Variants in SPAG17 observed in about 807,000 individuals in gnomAD.
The protein encoded by SPAG17 is sperm-associated antigen 17.
SPAG17 carries 169 observed loss-of-function variants against 273.6 expected under a neutral mutation model. The ratio of observed to expected loss-of-function variants is 0.62; its 90% CI spans 0.55 to 0.70. The LOEUF (loss-of-function observed/expected upper bound fraction) is 0.70, where lower values mean the gene tolerates loss of function less well. SPAG17 is among the 30% of genes least tolerant of loss of function. The pLI, the probability that SPAG17 is intolerant of heterozygous loss-of-function variation, is 0.00. For synonymous variants in SPAG17, 825 were observed against 873.2 expected, an observed-to-expected ratio of 0.94 and a Z score of 0.97; for missense variants, 2,557 against 2,627.8, an observed-to-expected ratio of 0.97 and a Z score of 0.59.
At chr1:117,956,647 T>C (rs1222465393) in intron 48 of SPAG17, among the ~76,000 whole-genome samples, 1 of 152,042 alleles carries the variant, frequency 6.6e-6, no homozygotes, top group East Asian at 1.9e-4. Context: ...GGAACTATTT[T>C]CCCAGATTAA....
chr1:118,118,540 A>G (rs1460540485), intron 3 of SPAG17, among the ~76,000 whole-genome samples: 1 of 152,234 alleles, frequency 6.6e-6, no homozygotes, highest in Admixed American at 6.5e-5. Flanking sequence ...CAGGAACTCA[A>G]AAAAGCACGA....
chr1:117,967,106 G>T (rs917656872), intron 46 of SPAG17, among the ~76,000 whole-genome samples: 1 of 152,052 alleles, frequency 6.6e-6, no homozygotes, highest in Admixed American at 6.6e-5. Flanking sequence ...GTGACTTTCA[G>T]TAGTGAAATC....
intron 20 of SPAG17, among the ~76,000 whole-genome samples, chr1:118,050,636 A>T (rs1282060643): frequency 6.6e-6 from 1 of 152,242 alleles, no homozygotes; most frequent in Non-Finnish European, 1.5e-5. Context: ...CAAGAACACA[A>T]AATTGAGGAA....
intron 48 of SPAG17, chr1:117,958,850 G>T: frequency 8.1e-7 from 1 of 1,241,612 alleles, no homozygotes. Flanking sequence ...ACTGTTTCTA[G>T]AAGGGTTAAG....
intron 32 of SPAG17, among the ~76,000 whole-genome samples, chr1:118,001,281 C>CT (rs1658260374): frequency 2.0e-5 from 3 of 152,132 alleles, no homozygotes; most frequent in South Asian, 4.2e-4. Context: ...CTAAAATTCT[C>CT]CTTTTTTGTT....
intron 32 of SPAG17, among the ~76,000 whole-genome samples, chr1:118,000,398 A>G (rs1658144177): frequency 6.6e-6 from 1 of 152,196 alleles, no homozygotes; most frequent in Admixed American, 6.5e-5. Context: ...CATTGAATCT[A>G]TAAATTACCT....
At chr1:118,057,596 A>G (rs1651839186) in intron 18 of SPAG17, among the ~76,000 whole-genome samples, 2 of 152,336 alleles carry the variant, frequency 1.3e-5, no homozygotes, top group South Asian at 4.1e-4. Flanking sequence ...ACACATAGGT[A>G]CTTTCTGAAC....
chr1:117,973,309 A>G, intron 44 of SPAG17, 116 bp downstream of exon 44: 1 of 1,352,532 alleles, frequency 7.4e-7, no homozygotes. Context: ...TAATAACTTC[A>G]ATGAATCAGA....
Position 118,091,867 on chromosome 1 carries a change from GTCA to G in SPAG17, c.1246+60_1246+62del, listed in dbSNP as rs1415021093. 8 of 1,527,568 alleles carry G rather than the reference GTCA, an allele frequency of 5.2e-6. No individual in the cohort carries two copies. In the Admixed American group the frequency reaches 8.4e-5, roughly 16 times the overall value. The allele number at this position is 1,527,568 out of a possible 1,614,324, so 94.6% of individuals were successfully genotyped here. A position where few individuals can be genotyped will look rare whatever the true frequency, so the allele number is the denominator to read the frequency against. ...GAGGCTGAAAGTAATATGGAGGGCA[GTCA>G]TTATCTCTTAAAGTGCCAGCTCATG... On this transcript the variant is annotated intron_variant, in intron 9 of 48. Transcript: ENST00000336338.
chr1:118,153,284 C>A lies in SPAG17; in HGVS notation c.88-1915G>T, dbSNP rs144225382. ...CTCATTGAATCCCTAAGTTACCCTACAAGATAGGTTCACTATTATCTTATA... is the reference window on the plus strand; with the variant it reads ...CTCATTGAATCCCTAAGTTACCCTAAAAGATAGGTTCACTATTATCTTATA... On this transcript the variant is annotated intron_variant, in intron 1 of 48. Coordinates refer to ENST00000336338, the MANE Select transcript of SPAG17 (RefSeq NM_206996.4). 5.5e-4 allele frequency among the ~76,000 whole-genome samples: 83 copies of A among 152,280 alleles called. 1 individual carries two copies. In the East Asian group the frequency reaches 0.016, roughly 29 times the overall value.
intron 4 of SPAG17, among the ~76,000 whole-genome samples, chr1:118,113,862 C>T (rs921225832): frequency 2.0e-5 from 3 of 151,990 alleles, no homozygotes; most frequent in Admixed American, 6.6e-5. Flanking sequence ...GCTTTAAAAA[C>T]GTTTTCCAAG....
intron 1 of SPAG17, among the ~76,000 whole-genome samples, chr1:118,159,522 C>A (rs1659809334): frequency 6.6e-6 from 1 of 152,124 alleles, no homozygotes; most frequent in African/African-American, 2.4e-5. Context: ...TTGAGTACCA[C>A]ATAAATGTAA....
chr1:117,981,153 G>T, intron 43 of SPAG17, 117 bp downstream of exon 43: 1 of 1,092,974 alleles, frequency 9.1e-7, no homozygotes, highest in Non-Finnish European at 1.3e-6. Flanking sequence ...CAGGATCCGT[G>T]ACCCTCTCGA....
intron 3 of SPAG17, among the ~76,000 whole-genome samples, chr1:118,142,944 T>A (rs573464306): frequency 4.6e-5 from 7 of 152,252 alleles, no homozygotes; most frequent in Non-Finnish European, 7.3e-5. Context: ...CTCTGCTGAA[T>A]ATGTATTAAC....
chr1:118,138,344 A>G (rs1658478365), intron 3 of SPAG17, among the ~76,000 whole-genome samples: 1 of 152,176 alleles, frequency 6.6e-6, no homozygotes, highest in Admixed American at 6.5e-5. Flanking sequence ...GAAACCCAGC[A>G]AATGTCTGCT....
At chr1:118,021,202 A>G (rs555352618) in intron 28 of SPAG17, among the ~76,000 whole-genome samples, 114 of 152,302 alleles carry the variant, frequency 7.5e-4, no homozygotes, top group African/African-American at 2.7e-3. Flanking sequence ...AATTAAATTA[A>G]TATCAATTAA....
chr1:118,062,384 A>AAAAAAAAAT (rs1553242204), intron 18 of SPAG17, among the ~76,000 whole-genome samples: 10 of 149,294 alleles, frequency 6.7e-5, no homozygotes, highest in African/African-American at 2.0e-4. Context: ...AAAAAAAAAA[A>AAAAAAAAAT]AAATTAAAGA....
intron 47 of SPAG17, chr1:117,964,240 T>G (rs1194685034): frequency 5.7e-6 from 1 of 176,908 alleles, no homozygotes; most frequent in Non-Finnish European, 1.2e-5. Flanking sequence ...TTCATGCTTT[T>G]TTTTTTTTTT....
chr1:118,113,429 G>C (rs1656889364), intron 4 of SPAG17, among the ~76,000 whole-genome samples: 1 of 152,094 alleles, frequency 6.6e-6, no homozygotes, highest in Admixed American at 6.6e-5. Context: ...AGGCAGTGTG[G>C]TTGAAATGAA....
Sources: gnomAD v4.1 joint callset for allele counts (sites outside exome capture counted in the v4.1 genomes callset) on GRCh38, gnomAD v4.1.1 for gene constraint, MANE v1.5 for transcripts, NCBI Gene and HGNC (gene_info 2026-07-23, HGNC 2026-07-21) for gene names.